The following ASXL2 variants were observed in gnomAD, a reference collection of about 807,000 sequenced individuals.
ASXL2 encodes the protein putative Polycomb group protein ASXL2.
Under a neutral mutation model 122.0 loss-of-function variants are expected in ASXL2, and 23 were observed. That is an observed-to-expected ratio of 0.19 (90% CI 0.14 to 0.27). The LOEUF (loss-of-function observed/expected upper bound fraction) is 0.27. Among genes scored for constraint, ASXL2 ranks in the 10% least tolerant of loss-of-function variants. ASXL2 has a pLI of 1.00. For synonymous variants in ASXL2, 650 were observed against 637.0 expected (o/e 1.02, Z -0.31); for missense variants, 1,518 against 1,713.8 (o/e 0.89, Z 2.02).
At chr2:25,849,519 G>A (rs1242991510) in intron 1 of ASXL2, among the ~76,000 whole-genome samples, 2 of 150,362 alleles carry the variant, frequency 1.3e-5, no homozygotes, top group Non-Finnish European at 3.0e-5. Context: ...GTATTGCCCA[G>A]GCTGGAGTGC....
chr2:25,748,561 G>C (rs1290414360), intron 12 of ASXL2, among the ~76,000 whole-genome samples: 2 of 151,722 alleles, frequency 1.3e-5, no homozygotes, highest in Non-Finnish European at 2.9e-5. Flanking sequence ...ATCTTTCCAA[G>C]GAATACTTCC....
intron 1 of ASXL2, among the ~76,000 whole-genome samples, chr2:25,869,894 C>T (rs2089948962): frequency 6.8e-6 from 1 of 147,182 alleles, no homozygotes; most frequent in Non-Finnish European, 1.5e-5. Flanking sequence ...GATGGTATAT[C>T]CAGTAACAAT....
chr2:25,878,033 C>T, intron 1 of ASXL2, 133 bp downstream of exon 1: 2 of 1,142,544 alleles, frequency 1.8e-6, no homozygotes, highest in South Asian at 2.5e-5. Context: ...CCGACACTAA[C>T]CGCCGCCCTC....
At chr2:25,756,165 C>G (rs748768891) in intron 9 of ASXL2, 51 bp from the exon 10 acceptor site, 3 of 1,189,554 alleles carry the variant, frequency 2.5e-6, no homozygotes, top group Non-Finnish European at 3.5e-6. Flanking sequence ...TGAAAGGTAT[C>G]ACGTCGTATT....
intron 5 of ASXL2, among the ~76,000 whole-genome samples, chr2:25,772,095 T>C (rs2088465691): frequency 6.6e-6 from 1 of 152,212 alleles, no homozygotes; most frequent in South Asian, 2.1e-4. Flanking sequence ...GTAACCACTC[T>C]CTACTTCATC....
chr2:25,740,001 C>T lies in ASXL2; in HGVS notation c.*2028G>A, dbSNP rs1229939597. 5 of 223,286 alleles carry T rather than the reference C, an allele frequency of 2.2e-5. No homozygotes were observed. The highest frequency in any genetic ancestry group is 5.7e-5 in the Admixed American group (1 of 17,426). 13.8% of individuals were successfully genotyped at this position (223,286 alleles called of 1,614,324 possible). A position where few individuals can be genotyped will look rare whatever the true frequency, so the allele number is the denominator to read the frequency against. On this transcript the variant is annotated 3_prime_UTR_variant, in exon 13 of 13. Coordinates refer to ENST00000435504, the MANE Select transcript of ASXL2 (RefSeq NM_018263.6). ...CCAAGGTACTGAATATTTGGGAGCA[C>T]CATTATTTCTGTTTTCTACTGGTTC...
At chr2:25,867,246 T>A (rs2089916640) in intron 1 of ASXL2, among the ~76,000 whole-genome samples, 1 of 151,626 alleles carries the variant, frequency 6.6e-6, no homozygotes, top group South Asian at 2.1e-4. Context: ...TAAAAAAAAA[T>A]GAGAATTGTA....
At chr2:25,865,774 C>CAA (rs61021417) in intron 1 of ASXL2, among the ~76,000 whole-genome samples, 15 of 55,550 alleles carry the variant, frequency 2.7e-4, no homozygotes, top group East Asian at 1.1e-3. Context: ...GACTCCGTCT[C>CAA]AAAAAAAAAA....
At chr2:25,795,662 G>C (rs553117641) in intron 5 of ASXL2, among the ~76,000 whole-genome samples, 51 of 152,198 alleles carry the variant, frequency 3.4e-4, no homozygotes, top group African/African-American at 1.2e-3. Flanking sequence ...CATGAATCTT[G>C]CTAATTGCTT....
In ASXL2 at chr2:25,745,739, G is replaced by A. The variant is rs562287820; in HGVS notation, c.1861-1263C>T. ...GCTCACTGTAACCTCTGCCTCCTGG[G>A]TTCAAGTGATTCTTGTGGCTCAGCC... On this transcript the variant is annotated intron_variant, in intron 12 of 12. Transcript: ENST00000435504. Among the ~76,000 whole-genome samples the A allele has an allele frequency of 7.4e-5, 11 of 148,068 alleles. No individual in the cohort carries two copies. In the Admixed American group the frequency reaches 7.5e-4, roughly 10 times the overall value.
At chr2:25,851,553 T>A (rs1206006976) in intron 1 of ASXL2, among the ~76,000 whole-genome samples, 1 of 152,236 alleles carries the variant, frequency 6.6e-6, no homozygotes, top group Non-Finnish European at 1.5e-5. Context: ...AACTGACTGG[T>A]CTTTTCTATT....
chr2:25,810,241 T>C (rs1228072211), intron 3 of ASXL2: 4 of 617,704 alleles, frequency 6.5e-6, no homozygotes, highest in Non-Finnish European at 1.2e-5. Context: ...CGTTCCTCTG[T>C]GAGTTCCAAG....
At chr2:25,799,628 A>G (rs765689191) in intron 4 of ASXL2, 93 bp from the exon 5 acceptor site, 33 of 1,448,530 alleles carry the variant, frequency 2.3e-5, no homozygotes, top group Non-Finnish European at 2.9e-5. Context: ...ACTTAATTGC[A>G]CTAATTTTTG....
intron 1 of ASXL2, among the ~76,000 whole-genome samples, chr2:25,848,571 C>T (rs755682527): frequency 2.6e-5 from 4 of 151,296 alleles, no homozygotes; most frequent in Admixed American, 6.6e-5. Context: ...TGCAGTGAGC[C>T]GAGATTGGGC....
intron 3 of ASXL2, among the ~76,000 whole-genome samples, chr2:25,833,068 C>CA (rs1455629509): frequency 6.6e-6 from 1 of 152,138 alleles, no homozygotes; most frequent in African/African-American, 2.4e-5. Flanking sequence ...AAAAGGGGAA[C>CA]ACAAGGGATA....
chr2:25,763,962 A>G (rs147193715), intron 8 of ASXL2, among the ~76,000 whole-genome samples: 2 of 152,360 alleles, frequency 1.3e-5, no homozygotes, highest in South Asian at 2.1e-4. Flanking sequence ...AAATCCCTAT[A>G]TATTTGGAAA....
At chr2:25,754,749 G>A (rs964251165) in intron 10 of ASXL2, among the ~76,000 whole-genome samples, 9 of 152,078 alleles carry the variant, frequency 5.9e-5, no homozygotes, top group African/African-American at 2.2e-4. Flanking sequence ...ACAAAAAAGT[G>A]GGGGCTGAGG....
intron 2 of ASXL2, among the ~76,000 whole-genome samples, chr2:25,844,411 T>C (rs2089625557): frequency 1.3e-5 from 2 of 151,908 alleles, no homozygotes; most frequent in African/African-American, 4.8e-5. Context: ...TGAAACCCTG[T>C]CTCTACTAAA....
intron 1 of ASXL2, among the ~76,000 whole-genome samples, chr2:25,874,228 C>T (rs2089992591): frequency 6.6e-6 from 1 of 151,970 alleles, no homozygotes; most frequent in South Asian, 2.1e-4. Flanking sequence ...GTGGCTCATG[C>T]CTGTAATCCC....
Sources: gnomAD v4.1 joint callset for allele counts (sites outside exome capture counted in the v4.1 genomes callset) on GRCh38, gnomAD v4.1.1 for gene constraint, MANE v1.5 for transcripts, NCBI Gene and HGNC (gene_info 2026-07-23, HGNC 2026-07-21) for gene names.